PDE1C: variants seen among roughly 807,000 people sequenced by gnomAD.
The protein encoded by PDE1C is dual specificity calcium/calmodulin-dependent 3',5'-cyclic nucleotide phosphodiesterase 1C.
In PDE1C, 62 loss-of-function variants were observed where a neutral mutation model predicts 93.1. That is an observed-to-expected ratio of 0.67 (90% confidence interval 0.54 to 0.82). The LOEUF (loss-of-function observed/expected upper bound fraction) is 0.82, where lower values mean the gene tolerates loss of function less well. Among genes scored for constraint, PDE1C ranks in the 40% least tolerant of loss-of-function variants. The pLI is 0.00. For synonymous variants in PDE1C, 325 were observed against 310.1 expected, an observed-to-expected ratio of 1.05 and a Z score of -0.50; for missense variants, 742 against 884.6, an observed-to-expected ratio of 0.84 and a Z score of 2.04.
chr7:32,303,447 C>T (rs73314419), upstream of PDE1C, among the ~76,000 whole-genome samples: 54 of 152,250 alleles, frequency 3.5e-4, no homozygotes, highest in African/African-American at 1.3e-3. Context: ...TAGAACAGTC[C>T]CTGGAACTGG....
chr7:31,819,516 GAA>G (rs1788694000), intron 14 of PDE1C, among the ~76,000 whole-genome samples: 1 of 152,100 alleles, frequency 6.6e-6, no homozygotes, highest in African/African-American at 2.4e-5. Context: ...TTGACTAGTA[GAA>G]AGCAAGAGAT....
intron 2 of PDE1C, among the ~76,000 whole-genome samples, chr7:32,034,054 C>CTGTA (rs1554477354): frequency 5.4e-5 from 8 of 148,396 alleles, no homozygotes; most frequent in South Asian, 2.2e-4. Flanking sequence ...AGATGAGAGA[C>CTGTA]TGTGTGTGTG....
chr7:32,206,873 T>G (rs1805600240), intron 2 of PDE1C, among the ~76,000 whole-genome samples: 2 of 152,166 alleles, frequency 1.3e-5, no homozygotes, highest in African/African-American at 4.8e-5. Flanking sequence ...TCAAGGTCAG[T>G]CTCAACTCTT....
chr7:31,627,839 A>C, the PDE1C span, among the ~76,000 whole-genome samples: 1 of 152,162 alleles, frequency 6.6e-6, no homozygotes, highest in Middle Eastern at 3.2e-3. Flanking sequence ...TGGAATTAAA[A>C]TGAAAAGATA....
At chr7:32,015,902 A>T (rs1035549990) in intron 2 of PDE1C, among the ~76,000 whole-genome samples, 1 of 152,218 alleles carries the variant, frequency 6.6e-6, no homozygotes, top group Non-Finnish European at 1.5e-5. Flanking sequence ...GATAAGAGGC[A>T]GGACTAGACT....
At chr7:31,862,671 C>T (rs986850666) in intron 7 of PDE1C, among the ~76,000 whole-genome samples, 7 of 152,156 alleles carry the variant, frequency 4.6e-5, no homozygotes, top group African/African-American at 1.7e-4. Context: ...CTGGTCACCT[C>T]CCCTAGGCCC....
chr7:31,628,416 T>G, the PDE1C span, among the ~76,000 whole-genome samples: 1 of 151,876 alleles, frequency 6.6e-6, no homozygotes, highest in Non-Finnish European at 1.5e-5. Flanking sequence ...TCCCCCAGAA[T>G]GCAGCTAGGA....
In PDE1C at chr7:31,822,277, G is replaced by A. The variant is rs551343152; in HGVS notation, c.1582+796C>T. Among the ~76,000 whole-genome samples, 18 of 152,102 alleles carry A rather than the reference G, an allele frequency of 1.2e-4. 1 individual carries two copies. Among genetic ancestry groups the A allele is most frequent in the Admixed American group, 4.6e-4 (7 of 15,264 alleles). Reference sequence around the variant, plus strand: ...CCAGTCCCCTCACTGGGCTCCCAGAGCCACCATGTCTTTGTCCCTACCTGG... The same window carrying A: ...CCAGTCCCCTCACTGGGCTCCCAGAACCACCATGTCTTTGTCCCTACCTGG... On this transcript the variant is annotated intron_variant, in intron 14 of 17. Transcript: ENST00000396191.
At chr7:31,915,302 T>A (rs903904206) in intron 2 of PDE1C, among the ~76,000 whole-genome samples, 6 of 152,130 alleles carry the variant, frequency 3.9e-5, no homozygotes, top group Admixed American at 3.9e-4. Flanking sequence ...CCCAGCCCCA[T>A]GCCTGGCCTC....
exon 1 of PDE1C, chr7:32,298,779 G>T (rs1335223507): frequency 1.3e-6 from 2 of 1,550,128 alleles, no homozygotes; most frequent in East Asian, 2.4e-5. Flanking sequence ...GACCAGCGGC[G>T]TCTGCGGTCC....
chr7:31,971,805 C>A (rs1321390150), intron 2 of PDE1C, among the ~76,000 whole-genome samples: 1 of 152,186 alleles, frequency 6.6e-6, no homozygotes, highest in African/African-American at 2.4e-5. Flanking sequence ...GTGACTGTCC[C>A]TCCGTGTCTC....
chr7:31,879,952 G>A (rs890481803), intron 3 of PDE1C, among the ~76,000 whole-genome samples: 3 of 152,012 alleles, frequency 2.0e-5, no homozygotes. Flanking sequence ...GAGGTAAGCG[G>A]AGGAAACATA....
chr7:31,983,879 G>C (rs760996998), intron 2 of PDE1C, among the ~76,000 whole-genome samples: 3 of 152,184 alleles, frequency 2.0e-5, no homozygotes, highest in Non-Finnish European at 2.9e-5. Flanking sequence ...GGGCTCTTCT[G>C]AGCTCGGGCT....
intron 2 of PDE1C, among the ~76,000 whole-genome samples, chr7:31,946,676 T>G (rs1303010897): frequency 6.6e-6 from 1 of 152,178 alleles, no homozygotes; most frequent in Non-Finnish European, 1.5e-5. Context: ...TACCAATAAA[T>G]AGCATGGGCT....
intron 2 of PDE1C, among the ~76,000 whole-genome samples, chr7:32,029,369 T>A (rs914598768): frequency 6.6e-6 from 1 of 152,182 alleles, no homozygotes; most frequent in Non-Finnish European, 1.5e-5. Context: ...TTTGAAATCA[T>A]CTTGTCAAAG....
intron 1 of PDE1C, among the ~76,000 whole-genome samples, chr7:32,423,429 CA>C (rs2128100432): frequency 6.6e-6 from 1 of 152,302 alleles, no homozygotes; most frequent in South Asian, 2.1e-4. Flanking sequence ...GGTTGCTTGT[CA>C]GACTTACCAG....
intron 2 of PDE1C, chr7:31,893,599 C>T: frequency 1.8e-6 from 1 of 563,450 alleles, no homozygotes. Context: ...AAAATATGAG[C>T]TTGATATCGC....
chr7:31,932,974 C>T (rs565455020), intron 2 of PDE1C, among the ~76,000 whole-genome samples: 9 of 152,142 alleles, frequency 5.9e-5, no homozygotes, highest in East Asian at 5.8e-4. Context: ...AACAGAAAAC[C>T]AAACACCACA....
intron 7 of PDE1C, 188 bp from the exon 8 acceptor site, chr7:31,850,929 C>T (rs754117415): frequency 1.8e-6 from 1 of 566,118 alleles, no homozygotes; most frequent in Non-Finnish European, 3.2e-6. Context: ...GATTTGTTAA[C>T]AATGTGTTCA....
Sources: gnomAD v4.1 joint callset for allele counts (sites outside exome capture counted in the v4.1 genomes callset) on GRCh38, gnomAD v4.1.1 for gene constraint, MANE v1.5 for transcripts, NCBI Gene and HGNC (gene_info 2026-07-23, HGNC 2026-07-21) for gene names.